Variants in CACNA1E observed in about 807,000 individuals in gnomAD.
CACNA1E encodes voltage-dependent R-type calcium channel subunit alpha-1E.
CACNA1E carries 40 observed loss-of-function variants against 259.2 expected under a neutral mutation model. The ratio of observed to expected loss-of-function variants is 0.15; its 90% CI spans 0.12 to 0.20. The LOEUF is 0.20. Ranked by LOEUF, CACNA1E falls within the 10% of genes least tolerant of loss-of-function variation. CACNA1E has a pLI of 1.00. For missense variants in CACNA1E, 1,874 were observed against 3,040.1 expected (o/e 0.62, Z 9.02); for synonymous variants, 1,104 against 1,138.5 (o/e 0.97, Z 0.61).
chr1:181,743,757 G>A (rs772420596), intron 25 of CACNA1E, among the ~76,000 whole-genome samples: 8 of 152,198 alleles, frequency 5.3e-5, no homozygotes, highest in Non-Finnish European at 1.2e-4. Flanking sequence ...TCTACAGCAC[G>A]TTACTTGACT....
At chr1:181,771,599 C>T in intron 36 of CACNA1E, 1 of 542,158 alleles carries the variant, frequency 1.8e-6, no homozygotes, top group Non-Finnish European at 3.3e-6. Context: ...TGTGCCTGAT[C>T]TTGTCTGATC....
At chr1:181,757,802 C>A in intron 30 of CACNA1E, 145 bp from the exon 31 acceptor site, 1 of 794,302 alleles carries the variant, frequency 1.3e-6, no homozygotes, top group Non-Finnish European at 2.0e-6. Context: ...GTAGTTTTGT[C>A]CAAGTGACCC....
rs1401939762 is a variant in CACNA1E, at chr1:181,743,838, G to T, written c.3719+4585G>T. 3.3e-5 allele frequency among the ~76,000 whole-genome samples: 5 copies of T among 152,206 alleles called. No homozygotes were observed. The East Asian group carries it at 9.6e-4, about 29-fold the overall frequency. On this transcript the variant is annotated intron_variant, in intron 25 of 47. Transcript: ENST00000367573. ...AGTAGTCATCTCACAGCTTATAATTGATCGTCAGCACAGATGGTTTAATAG... is the reference window on the plus strand; with the variant it reads ...AGTAGTCATCTCACAGCTTATAATTTATCGTCAGCACAGATGGTTTAATAG...
At chr1:181,726,895 C>T (rs114530864) in intron 18 of CACNA1E, among the ~76,000 whole-genome samples, 2,868 of 151,870 alleles carry the variant, frequency 0.019, 33 homozygotes, top group Middle Eastern at 0.037. Flanking sequence ...GGAGAGAGAG[C>T]CAATAGGATG....
rs963616860 is a variant in CACNA1E, at chr1:181,798,344, C to T, written c.6452C>T (p.Thr2151Ile). 2 of 1,609,804 alleles carry T rather than the reference C, an allele frequency of 1.2e-6. No homozygotes were observed. Among genetic ancestry groups the T allele is most frequent in the Admixed American group, 1.7e-5 (1 of 60,004 alleles). The change falls in exon 48 of 48, where the codon ACC becomes ATC. Residue 2151 changes from threonine to isoleucine, a missense_variant. Thr to Ile is a moderately conservative substitution (Grantham distance 89). Coordinates refer to ENST00000367573, the MANE Select transcript of CACNA1E (RefSeq NM_001205293.3). This position sits in a 1 kb window ranked among gnomAD's most constrained non-coding sequence, Gnocchi z 4.2. Reference sequence around the variant, plus strand: ...ATCCCCTCTGTCTCTGACACCAGCACCCCAAGAAGAAGTCGTCGGCAGCTC... The same window carrying T: ...ATCCCCTCTGTCTCTGACACCAGCATCCCAAGAAGAAGTCGTCGGCAGCTC... ...SSIPSVSDTS[T>I]PRRSRRQLPP...
intron 38 of CACNA1E, among the ~76,000 whole-genome samples, chr1:181,777,917 C>T (rs1660104820): frequency 6.6e-6 from 1 of 152,206 alleles, no homozygotes; most frequent in African/African-American, 2.4e-5. Flanking sequence ...TGGGCTCACT[C>T]AGGTATCCTT....
intron 1 of CACNA1E, among the ~76,000 whole-genome samples, chr1:181,399,208 T>C (rs630697): frequency 0.54 from 81,231 of 150,184 alleles, 23,626 homozygotes; most frequent in African/African-American, 0.76. Context: ...GGGAAGAAAG[T>C]TTAGAGAGTT....
At chr1:181,596,859 T>A (rs553004599) in intron 6 of CACNA1E, among the ~76,000 whole-genome samples, 2 of 152,170 alleles carry the variant, frequency 1.3e-5, no homozygotes, top group African/African-American at 4.8e-5. Flanking sequence ...CAGCAGTACA[T>A]ATGTCCTTAG....
chr1:181,340,511 C>T (rs1409577036), intron 1 of CACNA1E, among the ~76,000 whole-genome samples: 2 of 152,042 alleles, frequency 1.3e-5, no homozygotes, highest in African/African-American at 2.4e-5. Flanking sequence ...AATAAATTTA[C>T]GTCTTTATGA....
intron 2 of CACNA1E, among the ~76,000 whole-genome samples, chr1:181,443,602 C>T (rs1440550790): frequency 6.6e-6 from 1 of 152,218 alleles, no homozygotes; most frequent in Non-Finnish European, 1.5e-5. Flanking sequence ...GTCTTATCAC[C>T]TCACTACACA....
intron 6 of CACNA1E, among the ~76,000 whole-genome samples, chr1:181,618,573 A>C (rs1022904884): frequency 6.6e-6 from 1 of 152,230 alleles, no homozygotes; most frequent in Non-Finnish European, 1.5e-5. Context: ...TCAAAAAGAA[A>C]GAAAAAAGAA....
intron 1 of CACNA1E, among the ~76,000 whole-genome samples, chr1:181,391,067 A>G (rs1425525141): frequency 6.6e-6 from 1 of 152,158 alleles, no homozygotes. Flanking sequence ...ATCTATCACC[A>G]AATTGCTTAG....
chr1:181,731,061 C>T, intron 18 of CACNA1E, 114 bp from the exon 19 acceptor site: 1 of 768,524 alleles, frequency 1.3e-6, no homozygotes, highest in Non-Finnish European at 2.3e-6. Context: ...CACATGGAGA[C>T]CTGATGGCCA....
chr1:181,588,507 C>T (rs534216672), intron 6 of CACNA1E, among the ~76,000 whole-genome samples: 36 of 152,178 alleles, frequency 2.4e-4, no homozygotes, highest in Non-Finnish European at 5.0e-4. Flanking sequence ...ATAGCAGTCT[C>T]CACCCTGAAG....
intron 18 of CACNA1E, among the ~76,000 whole-genome samples, chr1:181,727,267 A>G (rs747516264): frequency 6.6e-6 from 1 of 152,222 alleles, no homozygotes; most frequent in East Asian, 1.9e-4. Flanking sequence ...AGGAGAAATC[A>G]GCTAAGGAGA....
chr1:181,548,603 T>C (rs1362614749), intron 3 of CACNA1E, among the ~76,000 whole-genome samples: 1 of 152,190 alleles, frequency 6.6e-6, no homozygotes, highest in East Asian at 1.9e-4. Flanking sequence ...GGTTGTTGAA[T>C]TGAATATTAT....
intron 1 of CACNA1E, among the ~76,000 whole-genome samples, chr1:181,386,983 G>A (rs1237087879): frequency 1.3e-5 from 2 of 152,174 alleles, no homozygotes; most frequent in African/African-American, 4.8e-5. Flanking sequence ...ACTTTTGTTC[G>A]ATTGATTGAC....
rs187065306 is a variant in CACNA1E at position 181,753,542 on chromosome 1, G to A, written c.3828+1303G>A. On this transcript the variant is annotated intron_variant, in intron 27 of 47. Transcript: ENST00000367573. ...TTGTAACTCATACATCTGTGGTGTG[G>A]AGAAAATGAACTGACGTGAGTGGTC... Among the ~76,000 whole-genome samples, 227 of 152,290 alleles carry A rather than the reference G, an allele frequency of 1.5e-3. 1 individual carries two copies. The highest frequency in any genetic ancestry group is 3.4e-3 in the Middle Eastern group (1 of 292).
Position 181,483,847 on chromosome 1 carries a change from C to A in CACNA1E, c.103C>A (p.Gln35Lys), listed in dbSNP as rs1244349881. ...RQGTPVPASG[Q>K]AAAYKQTKAQ... ...AGGAACCCCCGTGCCGGCCTCGGGG[C>A]AGGCGGCCGCCTACAAGCAGACGAA... The change falls in exon 1 of 48, where the codon CAG becomes AAG. Residue 35 changes from glutamine to lysine, a missense_variant. Gln to Lys is a moderately conservative substitution (Grantham distance 53, BLOSUM62 1). Coordinates refer to ENST00000367573, the MANE Select transcript of CACNA1E (RefSeq NM_001205293.3). The A allele has an allele frequency of 6.2e-7, 1 of 1,613,766 alleles. No individual in the cohort carries two copies. Among genetic ancestry groups the A allele is most frequent in the Non-Finnish European group, 8.5e-7 (1 of 1,179,818 alleles).
Sources: gnomAD v4.1 joint callset for allele counts (sites outside exome capture counted in the v4.1 genomes callset) on GRCh38, gnomAD v4.1.1 for gene constraint, Gnocchi (gnomAD v3.1) non-coding constraint, MANE v1.5 for transcripts, NCBI Gene and HGNC (gene_info 2026-07-23, HGNC 2026-07-21) for gene names.